Variants in BAIAP2 observed in about 807,000 individuals in gnomAD.
The protein encoded by BAIAP2 is BAR/IMD domain-containing adapter protein 2.
In BAIAP2, 18 loss-of-function variants were observed where a neutral mutation model predicts 63.0. The ratio of observed to expected loss-of-function variants is 0.29; its 90% CI spans 0.20 to 0.42. BAIAP2 has a LOEUF of 0.42. Among genes scored for constraint, BAIAP2 ranks in the 10% least tolerant of loss-of-function variants. BAIAP2 has a pLI of 1.00. For synonymous variants in BAIAP2, 386 were observed against 307.6 expected (o/e 1.25, Z -2.67); for missense variants, 610 against 734.3 (o/e 0.83, Z 1.96).
chr17:81,054,767 C>T (rs540369881), intron 2 of BAIAP2, among the ~76,000 whole-genome samples: 2 of 152,228 alleles, frequency 1.3e-5, no homozygotes, highest in African/African-American at 4.8e-5. Context: ...CGCTTCCCAT[C>T]GCCCCCACCC....
At chr17:81,108,780 G>A (rs2059497972) in intron 13 of BAIAP2, 1 of 1,007,474 alleles carries the variant, frequency 9.9e-7, no homozygotes, top group Non-Finnish European at 1.4e-6. Flanking sequence ...GCTGAGGCTG[G>A]CATCCATGGC....
chr17:81,076,261 CCAG>C (rs2053647062), intron 3 of BAIAP2: 1 of 152,256 alleles, frequency 6.6e-6, no homozygotes, highest in Non-Finnish European at 1.5e-5. Context: ...TCCCTGTGGA[CCAG>C]GTCTAGCCTG....
chr17:81,100,688 C>T (rs2058365969), intron 7 of BAIAP2, among the ~76,000 whole-genome samples: 1 of 152,186 alleles, frequency 6.6e-6, no homozygotes, highest in Admixed American at 6.5e-5. Flanking sequence ...GGCTGTCGTA[C>T]GTGGACCTGC....
intron 3 of BAIAP2, among the ~76,000 whole-genome samples, 200 bp downstream of exon 3, chr17:81,058,167 T>C (rs781357196): frequency 2.0e-5 from 3 of 152,216 alleles, no homozygotes; most frequent in Non-Finnish European, 4.4e-5. Flanking sequence ...CCCCGTCCCC[T>C]GAGGCGTGCA....
intron 6 of BAIAP2, among the ~76,000 whole-genome samples, chr17:81,099,395 G>A (rs950954315): frequency 1.3e-5 from 2 of 152,124 alleles, no homozygotes; most frequent in Non-Finnish European, 2.9e-5. Context: ...CTTGGCCACT[G>A]TCCTGGGCTC....
chr17:81,049,389 G>C (rs1025261967), intron 1 of BAIAP2, among the ~76,000 whole-genome samples: 3 of 152,196 alleles, frequency 2.0e-5, no homozygotes, highest in African/African-American at 4.8e-5. Context: ...CAGAGCCGCC[G>C]TGTGGGGGTG....
chr17:81,112,158 C>CCCCCCACT (rs1386855087), intron 13 of BAIAP2, among the ~76,000 whole-genome samples: 2 of 152,072 alleles, frequency 1.3e-5, no homozygotes, highest in African/African-American at 2.4e-5. Context: ...GCCTCCAGAC[C>CCCCCCACT]CCCCCACTCC....
At chr17:81,103,371 C>T in intron 7 of BAIAP2, 131 bp from the exon 8 acceptor site, 1 of 880,636 alleles carries the variant, frequency 1.1e-6, no homozygotes, top group East Asian at 2.7e-5. Context: ...GCCTGTCTCG[C>T]CGAGAGGTAC....
intron 1 of BAIAP2, among the ~76,000 whole-genome samples, chr17:81,043,692 C>G (rs56068957): frequency 6.6e-6 from 1 of 152,000 alleles, no homozygotes; most frequent in East Asian, 1.9e-4. Flanking sequence ...GTTACTGTTG[C>G]TTCGTGTGCG....
chr17:81,105,174 GGGGTCTCCCCCCAATGGCTC>G (rs1209410463), intron 10 of BAIAP2: 10 of 127,932 alleles, frequency 7.8e-5, no homozygotes, highest in African/African-American at 1.3e-4. Context: ...CCCAATGGCA[GGGGTCTCCCCCCAATGGCTC>G]GGGTCTCCCC....
chr17:81,071,920 C>T (rs1200094110), intron 3 of BAIAP2, among the ~76,000 whole-genome samples: 4 of 152,266 alleles, frequency 2.6e-5, no homozygotes, highest in Non-Finnish European at 5.9e-5. Context: ...TATGCCTCTG[C>T]AGAGTCTGGG....
intron 3 of BAIAP2, among the ~76,000 whole-genome samples, chr17:81,067,083 C>G (rs967266673): frequency 6.6e-6 from 1 of 152,254 alleles, no homozygotes; most frequent in African/African-American, 2.4e-5. Context: ...GAGAGGGAAG[C>G]GAGATGCCCC....
At chr17:81,090,670 G>T (rs1294435011) in intron 6 of BAIAP2, among the ~76,000 whole-genome samples, 2 of 152,238 alleles carry the variant, frequency 1.3e-5, no homozygotes, top group African/African-American at 4.8e-5. Context: ...GGAGCCGTCA[G>T]CATCCCCAGC....
At chr17:81,104,966 TC>T (rs755667602) in intron 10 of BAIAP2, 9 of 443,920 alleles carry the variant, frequency 2.0e-5, no homozygotes, top group African/African-American at 1.2e-4. Flanking sequence ...AGGAGGGATC[TC>T]CCCCCAACAG....
rs1598523926 is a variant in BAIAP2, at chr17:81,050,552, G to A, written c.55-3116G>A. On this transcript the variant is annotated intron_variant, in intron 1 of 13. Coordinates refer to ENST00000428708, the MANE Select transcript of BAIAP2 (RefSeq NM_001144888.2). Reference sequence around the variant, plus strand: ...GTGGAGCTCACAGGGCTCAGGTTGAGCCTCTTCCACCCGGGGGCCTGTGGG... The same window carrying A: ...GTGGAGCTCACAGGGCTCAGGTTGAACCTCTTCCACCCGGGGGCCTGTGGG... 3.3e-5 allele frequency among the ~76,000 whole-genome samples: 5 copies of A among 152,308 alleles called. No homozygotes were observed. In the East Asian group the frequency reaches 9.7e-4, roughly 30 times the overall value.
chr17:81,058,554 C>T (rs2050015490), intron 3 of BAIAP2, among the ~76,000 whole-genome samples: 1 of 152,220 alleles, frequency 6.6e-6, no homozygotes, highest in Non-Finnish European at 1.5e-5. Context: ...ACAGTCCCCT[C>T]ACCTAGCAGG....
chr17:81,112,790 C>T (rs1467555396), intron 13 of BAIAP2, among the ~76,000 whole-genome samples: 1 of 152,224 alleles, frequency 6.6e-6, no homozygotes, highest in East Asian at 1.9e-4. Context: ...GTGGCCCACA[C>T]CTGTAATCCC....
Position 81,116,079 on chromosome 17 carries a change from C to T in BAIAP2, c.*240C>T, listed in dbSNP as rs1411381695. On this transcript the variant is annotated 3_prime_UTR_variant, in exon 14 of 14. Transcript: ENST00000428708. ...TGGGCTGCCCAGGGCTGAGGGGCCG[C>T]CTCTTGAGGGTACACGCCTCTGGTC... 5 of 1,490,512 alleles carry T rather than the reference C, an allele frequency of 3.4e-6. No homozygotes were observed. Among genetic ancestry groups the T allele is most frequent in the East Asian group, 2.4e-5 (1 of 41,742 alleles). The allele number at this position is 1,490,512 out of a possible 1,614,324, so 92.3% of individuals were successfully genotyped here. A position where few individuals can be genotyped will look rare whatever the true frequency, so the allele number is the denominator to read the frequency against.
intron 6 of BAIAP2, 149 bp downstream of exon 6, chr17:81,086,729 G>A (rs1333727577): frequency 4.0e-5 from 37 of 922,356 alleles, no homozygotes; most frequent in Middle Eastern, 3.4e-4. Context: ...CCTCGGGAGC[G>A]GTGGGCCTGA....
Sources: allele counts gnomAD v4.1 joint callset (sites outside exome capture counted in the v4.1 genomes callset), GRCh38; gene constraint gnomAD v4.1.1; transcripts MANE v1.5; gene names NCBI Gene and HGNC (gene_info 2026-07-23, HGNC 2026-07-21).